Variants in ARHGAP32 observed in about 807,000 individuals in gnomAD.
ARHGAP32 encodes the protein rho GTPase-activating protein 32.
In ARHGAP32, 51 loss-of-function variants were observed where a neutral mutation model predicts 186.5. The ratio of observed to expected loss-of-function variants is 0.27; its 90% CI spans 0.22 to 0.35. The LOEUF (loss-of-function observed/expected upper bound fraction) is 0.35. Ranked by LOEUF, ARHGAP32 falls within the 10% of genes least tolerant of loss-of-function variation. ARHGAP32 has a pLI of 1.00. For missense variants in ARHGAP32, 2,186 were observed against 2,623.5 expected (o/e 0.83, Z 3.64); for synonymous variants, 950 against 964.3 (o/e 0.99, Z 0.27).
intron 13 of ARHGAP32, 92 bp downstream of exon 13, chr11:128,987,931 A>G (rs960999588): frequency 2.4e-6 from 2 of 828,900 alleles, no homozygotes; most frequent in East Asian, 5.2e-5. Flanking sequence ...ATCTTTAATG[A>G]AAATAGGTTA....
intron 1 of ARHGAP32, among the ~76,000 whole-genome samples, chr11:129,272,030 TATG>T (rs1200000509): frequency 6.6e-6 from 1 of 152,130 alleles, no homozygotes; most frequent in Non-Finnish European, 1.5e-5. Context: ...GAGTAATTCA[TATG>T]ATGAGCTCAA....
rs141881166 is a variant in ARHGAP32, at chr11:129,108,959, C to A, written c.444+14487G>T. Among the ~76,000 whole-genome samples the A allele has an allele frequency of 4.5e-4, 69 of 152,226 alleles. 1 individual carries two copies. The highest frequency in any genetic ancestry group is 1.5e-3 in the African/African-American group (61 of 41,564). On this transcript the variant is annotated intron_variant, in intron 5 of 22. Coordinates refer to ENST00000682385, the MANE Select transcript of ARHGAP32 (RefSeq NM_001378024.1). Reference sequence around the variant, plus strand: ...TCTCTTTCGGCTACTTTGAAATACACATACATGGTTGTTAACTATAGTCAT... The same window carrying A: ...TCTCTTTCGGCTACTTTGAAATACAAATACATGGTTGTTAACTATAGTCAT...
intron 12 of ARHGAP32, among the ~76,000 whole-genome samples, chr11:128,997,812 T>A (rs1946242578): frequency 6.6e-6 from 1 of 152,142 alleles, no homozygotes. Context: ...GAGGACTGCC[T>A]GAGCCCAGGA....
chr11:129,223,410 A>C (rs1591704907), intron 1 of ARHGAP32, among the ~76,000 whole-genome samples: 1 of 152,190 alleles, frequency 6.6e-6, no homozygotes, highest in African/African-American at 2.4e-5. Flanking sequence ...TGTCCTGACA[A>C]TTCATGACTG....
chr11:129,150,639 A>AT (rs1943268287), intron 2 of ARHGAP32, among the ~76,000 whole-genome samples: 1 of 152,180 alleles, frequency 6.6e-6, no homozygotes, highest in Non-Finnish European at 1.5e-5. Flanking sequence ...AGAAGGAGAG[A>AT]TAAAGTCTTT....
intron 22 of ARHGAP32, 61 bp from the exon 23 acceptor site, chr11:128,971,220 T>C (rs1430158103): frequency 2.8e-6 from 4 of 1,428,198 alleles, no homozygotes; most frequent in Non-Finnish European, 3.8e-6. Context: ...TCAAGTACTA[T>C]TAAATTTGTA....
chr11:129,256,736 A>G (rs548539646), intron 1 of ARHGAP32, among the ~76,000 whole-genome samples: 8 of 152,320 alleles, frequency 5.3e-5, no homozygotes, highest in South Asian at 2.1e-4. Context: ...GTAAATTATC[A>G]TATCAGTTAG....
At position 129,261,199 on chromosome 11, in the gene ARHGAP32, T is replaced by C. The variant is rs1945316581; in HGVS notation, c.-5+17947A>G. ...CAGGAATTCAGAAATATTGTTGAAA[T>C]TGGTATAAAGTGGCTCGGATTAGGT... On this transcript the variant is annotated intron_variant, in intron 1 of 6. Transcript: ENST00000525234. Among the ~76,000 whole-genome samples the C allele has an allele frequency of 2.6e-5, 4 of 152,060 alleles. No individual in the cohort carries two copies. In the South Asian group the frequency reaches 8.3e-4, roughly 32 times the overall value.
chr11:129,091,600 G>A (rs1052669823), intron 6 of ARHGAP32, among the ~76,000 whole-genome samples: 7 of 152,088 alleles, frequency 4.6e-5, no homozygotes, highest in African/African-American at 1.7e-4. Context: ...TTATTAAAAA[G>A]TAGAAACTGA....
chr11:129,167,150 A>G (rs1591665670), intron 1 of ARHGAP32, among the ~76,000 whole-genome samples: 1 of 152,198 alleles, frequency 6.6e-6, no homozygotes, highest in African/African-American at 2.4e-5. Flanking sequence ...TAATAAAACA[A>G]GGCAAATAAA....
At chr11:129,206,428 T>C (rs1447329718) in intron 1 of ARHGAP32, among the ~76,000 whole-genome samples, 1 of 152,132 alleles carries the variant, frequency 6.6e-6, no homozygotes, top group African/African-American at 2.4e-5. Flanking sequence ...TCCCGGCTGG[T>C]CTCAAACTCC....
intron 11 of ARHGAP32, among the ~76,000 whole-genome samples, chr11:128,999,249 T>C (rs917541901): frequency 4.6e-5 from 7 of 152,194 alleles, no homozygotes; most frequent in Admixed American, 4.6e-4. Flanking sequence ...TATGCAGTTG[T>C]AGATAAGGGA....
intron 2 of ARHGAP32, among the ~76,000 whole-genome samples, chr11:129,145,334 A>C (rs1230330060): frequency 6.6e-6 from 1 of 152,076 alleles, no homozygotes; most frequent in Non-Finnish European, 1.5e-5. Context: ...TTATAAATAT[A>C]AATGATATAA....
intron 6 of ARHGAP32, among the ~76,000 whole-genome samples, chr11:129,085,091 A>T (rs1474201578): frequency 6.6e-6 from 1 of 151,920 alleles, no homozygotes; most frequent in Non-Finnish European, 1.5e-5. Context: ...TGGTACAATC[A>T]TGCCTCATTA....
chr11:129,265,608 T>G (rs1164782928), intron 1 of ARHGAP32, among the ~76,000 whole-genome samples: 1 of 152,170 alleles, frequency 6.6e-6, no homozygotes, highest in Non-Finnish European at 1.5e-5. Context: ...CCACAATTTC[T>G]GAGGCCCAGT....
chr11:129,162,692 T>C (rs1441518320), intron 2 of ARHGAP32, among the ~76,000 whole-genome samples: 1 of 152,186 alleles, frequency 6.6e-6, no homozygotes, highest in African/African-American at 2.4e-5. Flanking sequence ...CTAAATGACT[T>C]TGCTAATCAG....
chr11:129,169,350 G>C (rs1005112417), intron 1 of ARHGAP32, among the ~76,000 whole-genome samples: 1 of 151,990 alleles, frequency 6.6e-6, no homozygotes, highest in African/African-American at 2.4e-5. Flanking sequence ...TCTAAGGCTG[G>C]GCTGGGCATG....
intron 11 of ARHGAP32, among the ~76,000 whole-genome samples, chr11:129,016,969 A>G (rs1938374399): frequency 6.6e-6 from 1 of 152,156 alleles, no homozygotes; most frequent in Non-Finnish European, 1.5e-5. Context: ...GACTTTCTTG[A>G]TGTTATAAAA....
chr11:129,213,165 C>T (rs181899637), intron 1 of ARHGAP32, among the ~76,000 whole-genome samples: 149 of 152,242 alleles, frequency 9.8e-4, no homozygotes, highest in Non-Finnish European at 1.5e-3. Context: ...CGTAGTTCCG[C>T]TATCTGAAAT....
Sources: allele counts gnomAD v4.1 joint callset (sites outside exome capture counted in the v4.1 genomes callset), GRCh38; gene constraint gnomAD v4.1.1; transcripts MANE v1.5; gene names NCBI Gene and HGNC (gene_info 2026-07-23, HGNC 2026-07-21).